The following ADAM22 variants were observed in gnomAD, a reference collection of about 807,000 sequenced individuals.
ADAM22 encodes ADAM metallopeptidase domain 22.
In ADAM22, 65 loss-of-function variants were observed where a neutral mutation model predicts 144.6. The ratio of observed to expected loss-of-function variants is 0.45; its 90% CI spans 0.37 to 0.55. ADAM22 has a LOEUF of 0.55. ADAM22 is among the 20% of genes least tolerant of loss of function. The probability of loss-of-function intolerance (pLI) is 0.00; values close to 1 mark genes in which losing one functional copy is unlikely to be tolerated. For missense variants in ADAM22, 974 were observed against 1,184.9 expected, an observed-to-expected ratio of 0.82 and a Z score of 2.61; for synonymous variants, 391 against 412.6, an observed-to-expected ratio of 0.95 and a Z score of 0.63.
chr7:88,190,717 G>A (rs1274577909), intron 30 of ADAM22, among the ~76,000 whole-genome samples: 3 of 152,052 alleles, frequency 2.0e-5, no homozygotes, highest in African/African-American at 7.2e-5. Context: ...TTGAAGAAAC[G>A]TTTTCCTTAG....
intron 3 of ADAM22, among the ~76,000 whole-genome samples, chr7:88,015,592 A>T (rs1796385472): frequency 6.6e-6 from 1 of 152,174 alleles, no homozygotes; most frequent in Non-Finnish European, 1.5e-5. Flanking sequence ...ATGGAAACAG[A>T]CCTCCAAACA....
intron 3 of ADAM22, among the ~76,000 whole-genome samples, chr7:87,996,035 T>G (rs1238472519): frequency 2.0e-5 from 3 of 152,186 alleles, no homozygotes; most frequent in Non-Finnish European, 4.4e-5. Flanking sequence ...GATCTGGAAA[T>G]TTGTTAATTA....
intron 3 of ADAM22, among the ~76,000 whole-genome samples, chr7:88,030,973 G>A (rs536438152): frequency 1.0e-3 from 154 of 152,162 alleles, no homozygotes; most frequent in African/African-American, 3.1e-3. Flanking sequence ...AAAATTAGCC[G>A]GGCGTGGTGG....
intron 14 of ADAM22, among the ~76,000 whole-genome samples, chr7:88,140,886 A>G (rs1834420369): frequency 1.3e-5 from 2 of 152,178 alleles, no homozygotes; most frequent in Non-Finnish European, 2.9e-5. Flanking sequence ...TACTAGTCAC[A>G]AGTAAAGAGA....
chr7:87,981,755 G>T (rs535892058), intron 3 of ADAM22, among the ~76,000 whole-genome samples: 15 of 152,026 alleles, frequency 9.9e-5, no homozygotes, highest in African/African-American at 3.6e-4. Flanking sequence ...AATTCAATTG[G>T]AATTGAAAGT....
At chr7:88,078,260 G>A (rs923955323) in intron 4 of ADAM22, among the ~76,000 whole-genome samples, 1 of 152,184 alleles carries the variant, frequency 6.6e-6, no homozygotes, top group African/African-American at 2.4e-5. Flanking sequence ...TGGACCTCCA[G>A]TAAACTCCAA....
intron 31 of ADAM22, among the ~76,000 whole-genome samples, chr7:88,194,415 G>T (rs577817529): frequency 3.3e-5 from 5 of 152,306 alleles, no homozygotes; most frequent in African/African-American, 1.2e-4. Context: ...TCTATGCACT[G>T]TGGAACAGCC....
chr7:88,080,437 C>A (rs1199583841), intron 4 of ADAM22, among the ~76,000 whole-genome samples: 2 of 152,080 alleles, frequency 1.3e-5, no homozygotes, highest in Non-Finnish European at 2.9e-5. Context: ...ATTGGAAGAA[C>A]TAGAAAAGCA....
chr7:88,147,134 A>T (rs1406425206), intron 17 of ADAM22, among the ~76,000 whole-genome samples: 1 of 152,248 alleles, frequency 6.6e-6, no homozygotes, highest in African/African-American at 2.4e-5. Flanking sequence ...ATACTATTAA[A>T]ATACATAAAA....
intron 3 of ADAM22, among the ~76,000 whole-genome samples, chr7:87,986,685 AGCTTTCT>A (rs1788576853): frequency 6.6e-6 from 1 of 152,160 alleles, no homozygotes; most frequent in African/African-American, 2.4e-5. Flanking sequence ...GGTTTATTTA[AGCTTTCT>A]GCTTTCTTGT....
chr7:88,131,289 G>C lies in ADAM22; in HGVS notation c.846G>C (p.Lys282Asn). The C allele has an allele frequency of 6.2e-7, 1 of 1,613,326 alleles. No homozygotes were observed. The highest frequency in any genetic ancestry group is 2.2e-5 in the East Asian group (1 of 44,826). ...ACTAGATATATAAAGACCAACTTAAGACCAGGATAGTATTGGTTGCTATGG... is the reference window on the plus strand; with the variant it reads ...ACTAGATATATAAAGACCAACTTAACACCAGGATAGTATTGGTTGCTATGG... ...MADLIYKDQL[K>N]TRIVLVAMET... The change falls in exon 11 of 32, where the codon AAG (lysine) becomes AAC (asparagine). Residue 282 changes from lysine to asparagine, a missense_variant. Physicochemically the swap from Lys to Asn is moderately conservative, Grantham distance 94. This residue lies in a region of ADAM22 where 734 missense variants were observed against 950.6 expected (regional missense o/e 0.77). Transcript: ENST00000413139.
chr7:87,950,766 G>C (rs1238616312), intron 2 of ADAM22, among the ~76,000 whole-genome samples: 1 of 149,596 alleles, frequency 6.7e-6, no homozygotes, highest in Admixed American at 6.6e-5. Context: ...CAGTGTAAAA[G>C]TGTTCTTATT....
At chr7:87,941,291 C>G (rs1357979702) in intron 2 of ADAM22, among the ~76,000 whole-genome samples, 1 of 152,158 alleles carries the variant, frequency 6.6e-6, no homozygotes, top group Non-Finnish European at 1.5e-5. Flanking sequence ...TGCCAAATGG[C>G]AGCAAGATGG....
chr7:88,089,059 C>CT (rs1370135910), intron 4 of ADAM22, among the ~76,000 whole-genome samples: 1 of 151,472 alleles, frequency 6.6e-6, no homozygotes, highest in Non-Finnish European at 1.5e-5. Flanking sequence ...TGAATTGTTT[C>CT]TTTTTTGGCC....
chr7:87,935,040 A>G lies in ADAM22; in HGVS notation c.100A>G (p.Met34Val). ...RCGQAGDASL[M>V]ELEKRKENRF... ...CCTGCCTGGAGGAGACGCCTCATTG[A>G]TGGAGCTAGAGAAGAGGAAGGAAAA... Residue 34 changes from methionine (M) to valine (V), a missense_variant, in exon 2 of 32, where the codon ATG (methionine) becomes GTG (valine). By Grantham distance (21) the Met-to-Val change is conservative (BLOSUM62 1). This residue lies in a region of ADAM22 where 240 missense variants were observed against 234.3 expected (regional missense o/e 1.02). Transcript: ENST00000413139. The G allele has an allele frequency of 2.5e-6, 4 of 1,614,076 alleles. No individual in the cohort carries two copies. The highest frequency in any genetic ancestry group is 3.4e-6 in the Non-Finnish European group (4 of 1,180,010).
intron 2 of ADAM22, among the ~76,000 whole-genome samples, chr7:87,966,724 T>TTTTG (rs1295740520): frequency 1.7e-5 from 2 of 120,288 alleles, no homozygotes; most frequent in African/African-American, 3.3e-5. Context: ...GAAAGCCGTT[T>TTTTG]TTTTTTTTTT....
intron 4 of ADAM22, among the ~76,000 whole-genome samples, chr7:88,104,798 AT>A (rs143900149): frequency 2.9e-3 from 440 of 150,340 alleles, no homozygotes; most frequent in African/African-American, 0.01. Flanking sequence ...GCAAATTGAG[AT>A]TTTTTTTTTC....
chr7:88,178,154 A>G (rs1846128831), intron 26 of ADAM22, among the ~76,000 whole-genome samples: 2 of 152,290 alleles, frequency 1.3e-5, no homozygotes, highest in South Asian at 4.1e-4. Flanking sequence ...GGTCAATAAC[A>G]GTGCAGATTA....
intron 3 of ADAM22, among the ~76,000 whole-genome samples, chr7:88,034,830 T>C (rs1233154242): frequency 1.3e-5 from 2 of 152,158 alleles, no homozygotes; most frequent in Non-Finnish European, 2.9e-5. Context: ...CCACAATTGC[T>C]GTGCTCTCCC....
Sources: gnomAD v4.1 joint callset for allele counts (sites outside exome capture counted in the v4.1 genomes callset) on GRCh38, gnomAD v4.1.1 for gene constraint, gnomAD v4.1.1 regional missense constraint, MANE v1.5 for transcripts, NCBI Gene and HGNC (gene_info 2026-07-23, HGNC 2026-07-21) for gene names.